The following CTNNA2 variants were observed in gnomAD, a reference collection of about 807,000 sequenced individuals.
CTNNA2 encodes the protein catenin alpha-2.
Under a neutral mutation model 101.0 loss-of-function variants are expected in CTNNA2, and 42 were observed. The observed-to-expected ratio is 0.42, with a 90% CI of 0.32 to 0.54. The LOEUF (loss-of-function observed/expected upper bound fraction) is 0.54. CTNNA2 is among the 20% of genes least tolerant of loss of function. The probability of loss-of-function intolerance (pLI) is 0.14; values close to 1 mark genes in which losing one functional copy is unlikely to be tolerated. For missense variants in CTNNA2, 871 were observed against 1,223.1 expected, an observed-to-expected ratio of 0.71 and a Z score of 4.29; for synonymous variants, 450 against 456.4, an observed-to-expected ratio of 0.99 and a Z score of 0.18.
At chr2:79,831,434 G>T (rs1199209811) in intron 3 of CTNNA2, among the ~76,000 whole-genome samples, 1 of 151,850 alleles carries the variant, frequency 6.6e-6, no homozygotes, top group Non-Finnish European at 1.5e-5. Context: ...AACTATAACA[G>T]CCCAGAATTC....
At chr2:79,813,778 A>C (rs1235767178) in intron 3 of CTNNA2, among the ~76,000 whole-genome samples, 1 of 152,052 alleles carries the variant, frequency 6.6e-6, no homozygotes, top group African/African-American at 2.4e-5. Context: ...AAAAAAGCAC[A>C]CTCTTATAAA....
chr2:79,578,037 A>G (rs1422278542), intron 1 of CTNNA2, among the ~76,000 whole-genome samples: 1 of 150,580 alleles, frequency 6.6e-6, no homozygotes, highest in Non-Finnish European at 1.5e-5. Context: ...CTGAGGTGCA[A>G]AAATTACCGA....
chr2:80,561,071 T>C (rs886627627), intron 12 of CTNNA2, among the ~76,000 whole-genome samples: 12 of 152,160 alleles, frequency 7.9e-5, no homozygotes, highest in African/African-American at 2.9e-4. Context: ...GTTGGACTGA[T>C]TTCTGTTGCT....
chr2:79,616,809 A>T (rs1464906787), intron 1 of CTNNA2, among the ~76,000 whole-genome samples: 1 of 151,956 alleles, frequency 6.6e-6, no homozygotes, highest in Non-Finnish European at 1.5e-5. Flanking sequence ...GTTAGTGGTT[A>T]TTTCCCCTAT....
intron 3 of CTNNA2, among the ~76,000 whole-genome samples, chr2:79,764,933 G>A (rs1405027673): frequency 2.6e-5 from 4 of 152,136 alleles, no homozygotes; most frequent in African/African-American, 9.7e-5. Context: ...GCTGACAACC[G>A]GGTAGGATTG....
chr2:79,872,750 C>A (rs573897982), intron 5 of CTNNA2, among the ~76,000 whole-genome samples: 32 of 152,154 alleles, frequency 2.1e-4, no homozygotes, highest in Non-Finnish European at 3.8e-4. Context: ...GATGTGATTT[C>A]TTGTTACCAG....
chr2:79,303,325 C>A (rs1386994895), intron 2 of CTNNA2, among the ~76,000 whole-genome samples: 1 of 152,196 alleles, frequency 6.6e-6, no homozygotes, highest in African/African-American at 2.4e-5. Context: ...CCGAAACAAT[C>A]TCTCCAGGTT....
chr2:79,793,357 C>T (rs770946699), intron 3 of CTNNA2, among the ~76,000 whole-genome samples: 15 of 152,130 alleles, frequency 9.9e-5, no homozygotes, highest in East Asian at 3.9e-4. Context: ...TGAGACAGAG[C>T]GACTCATGTA....
chr2:80,105,984 C>T (rs1051463808), intron 7 of CTNNA2, among the ~76,000 whole-genome samples: 6 of 152,154 alleles, frequency 3.9e-5, no homozygotes, highest in African/African-American at 9.7e-5. Context: ...TGGCAGGTAA[C>T]AGTCCAATGA....
chr2:79,960,751 A>C (rs1689571831), intron 7 of CTNNA2, among the ~76,000 whole-genome samples: 1 of 152,190 alleles, frequency 6.6e-6, no homozygotes, highest in Admixed American at 6.5e-5. Context: ...GGATCTATAA[A>C]ATCTGAAGTA....
At chr2:80,197,387 A>C (rs957598141) in intron 7 of CTNNA2, among the ~76,000 whole-genome samples, 1 of 152,210 alleles carries the variant, frequency 6.6e-6, no homozygotes, top group Non-Finnish European at 1.5e-5. Flanking sequence ...ACTAAGAATA[A>C]TTATTGTTTA....
chr2:80,326,745 A>G (rs954584819), intron 7 of CTNNA2, among the ~76,000 whole-genome samples: 1 of 152,318 alleles, frequency 6.6e-6, no homozygotes, highest in African/African-American at 2.4e-5. Flanking sequence ...AAGAAACAAA[A>G]TGTCAGTTTC....
intron 2 of CTNNA2, among the ~76,000 whole-genome samples, chr2:79,700,446 T>C (rs1684928598): frequency 6.6e-6 from 1 of 152,066 alleles, no homozygotes. Flanking sequence ...CAGTAGTTAG[T>C]TACCATACAG....
chr2:80,528,032 T>C (rs1690187982), intron 9 of CTNNA2, among the ~76,000 whole-genome samples: 1 of 152,200 alleles, frequency 6.6e-6, no homozygotes, highest in African/African-American at 2.4e-5. Context: ...TGTAACTTGG[T>C]CTCCATTTTG....
intron 2 of CTNNA2, among the ~76,000 whole-genome samples, chr2:79,731,345 G>A (rs927851310): frequency 1.5e-4 from 23 of 152,088 alleles, no homozygotes; most frequent in African/African-American, 5.3e-4. Context: ...CTGTACTCTC[G>A]AGTCATCTAC....
rs147727870 is a variant in CTNNA2 at position 80,540,574 on chromosome 2, G to A, written c.1291-4408G>A. Among the ~76,000 whole-genome samples the A allele has an allele frequency of 3.0e-3, 437 of 147,410 alleles. 1 individual carries two copies. Among genetic ancestry groups the A allele is most frequent in the African/African-American group, 9.4e-3 (369 of 39,344 alleles). On this transcript the variant is annotated intron_variant, in intron 9 of 18. Coordinates refer to ENST00000402739, the MANE Select transcript of CTNNA2 (RefSeq NM_001282597.3). ...ATCTTGCTGCTGCACTCCAGCCTGG[G>A]CAGCAGAATGAGACTCCATCTCAAA...
chr2:79,652,254 T>TA (rs1681312071), intron 2 of CTNNA2, among the ~76,000 whole-genome samples: 2 of 143,798 alleles, frequency 1.4e-5, no homozygotes, highest in Non-Finnish European at 1.5e-5. Flanking sequence ...TTTTTTTTTT[T>TA]ACCAAATTAT....
intron 7 of CTNNA2, among the ~76,000 whole-genome samples, chr2:80,043,119 C>CTCCT (rs70940072): frequency 0.019 from 1,008 of 51,818 alleles, 46 homozygotes; most frequent in East Asian, 0.11. Flanking sequence ...CTCTTTCTTT[C>CTCCT]TCCTTCCTTC....
At chr2:80,306,106 G>T (rs928369843) in intron 7 of CTNNA2, among the ~76,000 whole-genome samples, 1 of 152,094 alleles carries the variant, frequency 6.6e-6, no homozygotes, top group African/African-American at 2.4e-5. Context: ...TACTTTTCAG[G>T]AAAAGTCATA....
Sources: gnomAD v4.1 joint callset for allele counts (sites outside exome capture counted in the v4.1 genomes callset) on GRCh38, gnomAD v4.1.1 for gene constraint, MANE v1.5 for transcripts, NCBI Gene and HGNC (gene_info 2026-07-23, HGNC 2026-07-21) for gene names.